Variants in PCDHA11 observed in about 807,000 individuals in gnomAD.
PCDHA11 encodes the protein protocadherin alpha 11.
PCDHA11 carries 61 observed loss-of-function variants against 70.3 expected under a neutral mutation model. The observed-to-expected ratio is 0.87, with a 90% CI of 0.71 to 1.07. The LOEUF is 1.07. Among genes scored for constraint, PCDHA11 ranks in the 50% least tolerant of loss-of-function variants. The pLI, the probability that PCDHA11 is intolerant of heterozygous loss-of-function variation, is 0.00. For missense variants in PCDHA11, 1,324 were observed against 1,237.5 expected, an observed-to-expected ratio of 1.07 and a Z score of -1.05; for synonymous variants, 633 against 555.1, an observed-to-expected ratio of 1.14 and a Z score of -1.97.
At chr5:140,874,680 T>C (rs1018074001) in intron 1 of PCDHA11, among the ~76,000 whole-genome samples, 1 of 152,258 alleles carries the variant, frequency 6.6e-6, no homozygotes, top group Non-Finnish European at 1.5e-5. Flanking sequence ...TCCTGAGATT[T>C]GTTTTAACAT....
chr5:141,008,641 T>G (rs569373015), intron 3 of PCDHA11, among the ~76,000 whole-genome samples: 1 of 152,344 alleles, frequency 6.6e-6, no homozygotes, highest in Admixed American at 6.5e-5. Context: ...TAACAATTTC[T>G]TCTTCTGGAG....
rs782362205 is a variant in PCDHA11 at position 141,009,960 on chromosome 5, A to G, written c.*23A>G. The G allele has an allele frequency of 6.3e-7, 1 of 1,589,232 alleles. No homozygotes were observed. The highest frequency in any genetic ancestry group is 2.2e-5 in the East Asian group (1 of 44,694). On this transcript the variant is annotated 3_prime_UTR_variant, in exon 4 of 4. Transcript: ENST00000398640. The stretch of plus-strand genomic sequence containing the variant: ...TGAGGTCCTCAAATGGAAACAAGCC[A>G]CTTAGCCAGTTTTTGTAATAATGGC...
intron 1 of PCDHA11, among the ~76,000 whole-genome samples, chr5:140,934,191 C>T (rs563342404): frequency 6.6e-6 from 1 of 152,224 alleles, no homozygotes; most frequent in African/African-American, 2.4e-5. Flanking sequence ...ACATACTTTT[C>T]ATTTCTATTT....
At chr5:140,944,880 C>T (rs1275494519) in intron 1 of PCDHA11, among the ~76,000 whole-genome samples, 1 of 152,150 alleles carries the variant, frequency 6.6e-6, no homozygotes, top group Non-Finnish European at 1.5e-5. Flanking sequence ...ACCTACTCCA[C>T]TGTACAGTTC....
At chr5:140,967,198 C>T (rs2096112626) in intron 1 of PCDHA11, 9 of 1,613,662 alleles carry the variant, frequency 5.6e-6, no homozygotes, top group South Asian at 1.1e-5. Flanking sequence ...TCAACGACAA[C>T]TCACCGCGTT....
At chr5:140,919,545 T>C (rs572558911) in intron 1 of PCDHA11, among the ~76,000 whole-genome samples, 15 of 152,314 alleles carry the variant, frequency 9.8e-5, no homozygotes, top group African/African-American at 3.6e-4. Flanking sequence ...ACTTTTCATT[T>C]ACTGATTTAT....
At chr5:140,905,446 A>G (rs1421760693) in intron 1 of PCDHA11, among the ~76,000 whole-genome samples, 2 of 152,180 alleles carry the variant, frequency 1.3e-5, no homozygotes, top group East Asian at 3.9e-4. Flanking sequence ...GCCTTTTAGT[A>G]TAATTTAAAG....
intron 1 of PCDHA11, among the ~76,000 whole-genome samples, chr5:140,953,569 C>G (rs246030): frequency 0.56 from 85,556 of 151,828 alleles, 24,725 homozygotes; most frequent in African/African-American, 0.69. Context: ...TTAGTGCCCT[C>G]CTCTCCCAAA....
intron 3 of PCDHA11, among the ~76,000 whole-genome samples, chr5:140,992,100 A>G (rs1285742519): frequency 6.6e-6 from 1 of 151,526 alleles, no homozygotes; most frequent in African/African-American, 2.4e-5. Context: ...AAAGAGAATT[A>G]AGGTGAGATG....
At chr5:140,898,782 G>A (rs1170822216) in intron 1 of PCDHA11, among the ~76,000 whole-genome samples, 5 of 152,306 alleles carry the variant, frequency 3.3e-5, no homozygotes, top group Middle Eastern at 3.4e-3. Context: ...ACCTTGGGCA[G>A]TATGGCCATT....
In PCDHA11 at chr5:141,010,551, C is replaced by T. The variant is rs2098417607; in HGVS notation, c.*614C>T. ...AGCCACCCTCTAGGAGACAAAACTA[C>T]CCCCACTGACAAGGCTTTAGGAGAC... On this transcript the variant is annotated 3_prime_UTR_variant, in exon 4 of 4. Coordinates refer to ENST00000398640, the MANE Select transcript of PCDHA11 (RefSeq NM_018902.5). The T allele has an allele frequency of 9.3e-6, 3 of 323,786 alleles. No homozygotes were observed. Among genetic ancestry groups the T allele is most frequent in the African/African-American group, 2.1e-5 (1 of 47,406 alleles). The allele number at this position is 323,786 out of a possible 1,614,324, so 20.1% of individuals were successfully genotyped here.
chr5:140,898,206 T>G (rs1554187858), intron 1 of PCDHA11, among the ~76,000 whole-genome samples: 2 of 152,214 alleles, frequency 1.3e-5, no homozygotes. Context: ...AGATCCCATT[T>G]GTCAATTTTG....
rs571904104 is a variant in PCDHA11, at chr5:140,891,379, AT to A, written c.2391+19888del. On this transcript the variant is annotated intron_variant, in intron 1 of 3. Transcript: ENST00000398640. ...ACCTGAGCAGTATACATTGCACCATATTTGCAATCTTTTATCCCTCGCCACC... is the reference window on the plus strand; with the variant it reads ...ACCTGAGCAGTATACATTGCACCATATTGCAATCTTTTATCCCTCGCCACC... Among the ~76,000 whole-genome samples, 7 of 151,980 alleles carry A rather than the reference AT, an allele frequency of 4.6e-5. No individual in the cohort carries two copies. In the South Asian group the frequency reaches 1.5e-3, roughly 32 times the overall value.
rs201572428 is a variant in PCDHA11, at chr5:140,982,529, T to A, written c.2505T>A (p.Asp835Glu). 220 of 1,614,200 alleles carry A rather than the reference T, an allele frequency of 1.4e-4. No homozygotes were observed. Among genetic ancestry groups the A allele is most frequent in the Non-Finnish European group, 1.7e-4 (202 of 1,180,036 alleles). Reference sequence around the variant, plus strand: ...TACGGGCTGGTCCAGGAGGGCCTGATCAGCAGTGGCCAACAGTATCCAGTG... The same window carrying A: ...TACGGGCTGGTCCAGGAGGGCCTGAACAGCAGTGGCCAACAGTATCCAGTG... ...GILRAGPGGP[D>E]QQWPTVSSAT... Residue 835 changes from aspartate (D) to glutamate (E), a missense_variant, in exon 3 of 4, where the codon GAT becomes GAA. Transcript: ENST00000398640.
chr5:140,951,543 C>CG (rs1201907714), intron 1 of PCDHA11, among the ~76,000 whole-genome samples: 2 of 151,428 alleles, frequency 1.3e-5, no homozygotes. Flanking sequence ...GAGCAAGGGA[C>CG]GGGGGGAAGT....
chr5:140,920,773 G>A (rs374394320), intron 1 of PCDHA11, among the ~76,000 whole-genome samples: 41 of 151,942 alleles, frequency 2.7e-4, no homozygotes, highest in African/African-American at 9.2e-4. Flanking sequence ...ACACCTGGGA[G>A]GTGGAGGTTG....
At chr5:140,884,622 GAAC>G (rs1562808706) in intron 1 of PCDHA11, 7 of 1,613,830 alleles carry the variant, frequency 4.3e-6, no homozygotes, top group Non-Finnish European at 5.9e-6. Flanking sequence ...TCTGCAGAGG[GAAC>G]AGGCCAGAGG....
chr5:140,871,074 G>T lies in PCDHA11; in HGVS notation c.1971G>T (p.Ala657=), dbSNP rs1210767724. The change falls in exon 1 of 4, where the codon GCG becomes GCT. Residue 657 remains alanine, a synonymous_variant. Transcript: ENST00000398640. Reference sequence around the variant, plus strand: ...TGGTGAAGGATCACGGTGAGCCGGCGCTGACGGCCACGGCCACCGTGCTGG... The same window carrying T: ...TGGTGAAGGATCACGGTGAGCCGGCTCTGACGGCCACGGCCACCGTGCTGG... ...LVLVKDHGEP[A]LTATATVLVS... is the part of the protein sequence containing the mutation. 6.2e-6 allele frequency: 10 copies of T among 1,613,214 alleles called. No homozygotes were observed. Among genetic ancestry groups the T allele is most frequent in the Middle Eastern group, 3.3e-4 (2 of 6,062 alleles).
intron 1 of PCDHA11, chr5:140,877,460 C>T: frequency 6.2e-7 from 1 of 1,613,840 alleles, no homozygotes; most frequent in Non-Finnish European, 8.5e-7. Context: ...ACGTCCACGG[C>T]CACGGTGCTG....
Sources: allele counts gnomAD v4.1 joint callset (sites outside exome capture counted in the v4.1 genomes callset), GRCh38; gene constraint gnomAD v4.1.1; transcripts MANE v1.5; gene names NCBI Gene and HGNC (gene_info 2026-07-23, HGNC 2026-07-21).